Variants in SLC26A11 observed in about 807,000 individuals in gnomAD.
The protein encoded by SLC26A11 is sodium-independent sulfate anion transporter.
SLC26A11 carries 58 observed loss-of-function variants against 62.2 expected under a neutral mutation model. The ratio of observed to expected loss-of-function variants is 0.93; its 90% CI spans 0.76 to 1.16. SLC26A11 has a LOEUF of 1.16. SLC26A11 is among the 50% of genes most tolerant of loss of function. The pLI, the probability that SLC26A11 is intolerant of heterozygous loss-of-function variation, is 0.00. For synonymous variants in SLC26A11, 411 were observed against 368.9 expected, an observed-to-expected ratio of 1.11 and a Z score of -1.31; for missense variants, 790 against 794.3, an observed-to-expected ratio of 0.99 and a Z score of 0.06.
chr17:80,242,299 T>G (rs2144952749), intron 10 of SLC26A11, among the ~76,000 whole-genome samples: 1 of 152,242 alleles, frequency 6.6e-6, no homozygotes, highest in Non-Finnish European at 1.5e-5. Flanking sequence ...TAACAAGGAC[T>G]CATTCCCAGA....
intron 7 of SLC26A11, among the ~76,000 whole-genome samples, chr17:80,236,385 G>A (rs1323381835): frequency 6.6e-6 from 1 of 152,212 alleles, no homozygotes; most frequent in African/African-American, 2.4e-5. Context: ...TGAACTCAGG[G>A]AAACCCCTGG....
At chr17:80,247,790 C>T (rs2043047937) in intron 13 of SLC26A11, among the ~76,000 whole-genome samples, 1 of 152,186 alleles carries the variant, frequency 6.6e-6, no homozygotes, top group African/African-American at 2.4e-5. Flanking sequence ...GGCACCTTCT[C>T]CTTGGCCAGG....
At chr17:80,230,762 GCTGAC>G (rs1317182229) in intron 7 of SLC26A11, among the ~76,000 whole-genome samples, 1 of 152,168 alleles carries the variant, frequency 6.6e-6, no homozygotes, top group Non-Finnish European at 1.5e-5. Context: ...GTGTAGGGCT[GCTGAC>G]TCCTTTCTCC....
At chr17:80,248,993 G>A (rs552540971) in intron 15 of SLC26A11, among the ~76,000 whole-genome samples, 161 bp from the exon 16 acceptor site, 62 of 152,258 alleles carry the variant, frequency 4.1e-4, no homozygotes, top group Non-Finnish European at 7.9e-4. Context: ...ATTGTCTCTG[G>A]TCCTGCCACC....
Position 80,248,662 on chromosome 17 carries a change from C to A in SLC26A11, c.1510C>A (p.Arg504=), listed in dbSNP as rs147011619. 1 of 1,573,066 alleles carries A rather than the reference C, an allele frequency of 6.4e-7. No individual in the cohort carries two copies. The highest frequency in any genetic ancestry group is 1.2e-5 in the South Asian group (1 of 85,542). Residue 504 remains arginine, a synonymous_variant, in exon 15 of 18, where the codon CGG becomes AGG. Transcript: ENST00000361193. ...GGCTCTGCGGGAGGAGATCCTAAGC[C>A]GGGCCCTGGAAGGTGCATGGGCGGG... ...MEALREEILS[R]ALEVSPPRCL...
intron 5 of SLC26A11, among the ~76,000 whole-genome samples, chr17:80,224,888 A>G (rs1460151462): frequency 1.3e-5 from 2 of 151,998 alleles, no homozygotes; most frequent in East Asian, 3.9e-4. Flanking sequence ...CCCAGGACAG[A>G]AGACCCTACC....
At chr17:80,245,338 G>C in intron 11 of SLC26A11, 82 bp downstream of exon 11, 1 of 1,445,214 alleles carries the variant, frequency 6.9e-7, no homozygotes, top group Non-Finnish European at 9.7e-7. Context: ...TGCCTGCCCT[G>C]ACCCCGGCGC....
intron 10 of SLC26A11, among the ~76,000 whole-genome samples, chr17:80,243,150 A>G (rs1598831955): frequency 1.3e-5 from 2 of 152,106 alleles, no homozygotes; most frequent in African/African-American, 2.4e-5. Context: ...CACCCTGACA[A>G]TTTCACGAGA....
At chr17:80,226,983 A>G (rs79030322) in intron 6 of SLC26A11, among the ~76,000 whole-genome samples, 229 of 152,274 alleles carry the variant, frequency 1.5e-3, no homozygotes, top group East Asian at 5.4e-3. Context: ...CAGAGGCACC[A>G]GTGGGCAGGG....
chr17:80,244,245 C>T (rs1161738982), intron 10 of SLC26A11, among the ~76,000 whole-genome samples: 2 of 152,302 alleles, frequency 1.3e-5, no homozygotes, highest in Middle Eastern at 6.8e-3. Context: ...GCAGTGATCC[C>T]CGTTCTTGGG....
At chr17:80,247,251 C>T (rs1050904831) in intron 13 of SLC26A11, among the ~76,000 whole-genome samples, 2 of 152,058 alleles carry the variant, frequency 1.3e-5, no homozygotes, top group African/African-American at 2.4e-5. Context: ...TCTTTCTACA[C>T]AGACACGGCA....
At chr17:80,225,198 GA>G (rs1005044812) in intron 5 of SLC26A11, among the ~76,000 whole-genome samples, 3 of 149,876 alleles carry the variant, frequency 2.0e-5, no homozygotes, top group Non-Finnish European at 4.5e-5. Flanking sequence ...GCTCTCTAAA[GA>G]AAAAAAAACT....
chr17:80,220,577 C>T (rs2042122668), intron 1 of SLC26A11, 81 bp downstream of exon 1: 1 of 387,744 alleles, frequency 2.6e-6, no homozygotes. Context: ...CCGGGGGCAG[C>T]CGACGCGGGG....
chr17:80,239,923 G>A (rs1404823682), intron 9 of SLC26A11, among the ~76,000 whole-genome samples: 1 of 152,284 alleles, frequency 6.6e-6, no homozygotes, highest in Non-Finnish European at 1.5e-5. Context: ...CAGTTGGAGC[G>A]TGGCTGTGCC....
Position 80,252,843 on chromosome 17 carries a change from A to G in SLC26A11, c.*127A>G, listed in dbSNP as rs60962417. On this transcript the variant is annotated 3_prime_UTR_variant, in exon 18 of 18. Transcript: ENST00000361193. This position sits in a 1 kb window ranked among gnomAD's most constrained non-coding sequence, Gnocchi z 5.2. ...TGAGAAACCCCTGAGCAGGTAACCC[A>G]GGGAAGAGAAGGAAGCCAGGCCTGG... The G allele has an allele frequency of 0.03, 23,645 of 783,402 alleles. 1,365 individuals are homozygous for G. Among genetic ancestry groups the G allele is most frequent in the African/African-American group, 0.2 (11,503 of 57,230 alleles). 48.5% of individuals were successfully genotyped at this position (783,402 alleles called of 1,614,324 possible).
chr17:80,222,012 G>C lies in SLC26A11; in HGVS notation c.234+218G>C, dbSNP rs769303879. On this transcript the variant is annotated intron_variant, in intron 3 of 17. Transcript: ENST00000361193. This position sits in a 1 kb window ranked among gnomAD's most constrained non-coding sequence, Gnocchi z 4.7. ...GAGCTGGTTATGGAGGGGCCAGCGAGATGACTCATGGAGGCCTCAGGAGTT... is the reference window on the plus strand; with the variant it reads ...GAGCTGGTTATGGAGGGGCCAGCGACATGACTCATGGAGGCCTCAGGAGTT... 3.2e-5 allele frequency: 18 copies of C among 559,016 alleles called. No homozygotes were observed. The highest frequency in any genetic ancestry group is 5.6e-5 in the Non-Finnish European group (18 of 323,222). 34.6% of individuals were successfully genotyped at this position (559,016 alleles called of 1,614,324 possible). A position where few individuals can be genotyped will look rare whatever the true frequency, so the allele number is the denominator to read the frequency against.
In SLC26A11 at chr17:80,222,156, C is replaced by T. The variant is rs548881846; in HGVS notation, c.234+362C>T. 16 of 223,524 alleles carry T rather than the reference C, an allele frequency of 7.2e-5. No individual in the cohort carries two copies. Among genetic ancestry groups the T allele is most frequent in the African/African-American group, 3.2e-4 (14 of 43,600 alleles). The allele number at this position is 223,524 out of a possible 1,614,324, so 13.8% of individuals were successfully genotyped here. A position where few individuals can be genotyped will look rare whatever the true frequency, so the allele number is the denominator to read the frequency against. Reference sequence around the variant, plus strand: ...CTTTGGGAGGCCGAGGCAGGCGGATCGCAAGGTCAGGAGATGGAGACCATC... The same window carrying T: ...CTTTGGGAGGCCGAGGCAGGCGGATTGCAAGGTCAGGAGATGGAGACCATC... On this transcript the variant is annotated intron_variant, in intron 3 of 17. Coordinates refer to ENST00000361193, the MANE Select transcript of SLC26A11 (RefSeq NM_001166347.2). This position sits in a 1 kb window ranked among gnomAD's most constrained non-coding sequence, Gnocchi z 4.7.
intron 5 of SLC26A11, chr17:80,225,545 G>T: frequency 3.0e-6 from 1 of 330,396 alleles, no homozygotes; most frequent in East Asian, 6.9e-5. Context: ...TGCCTGCTGT[G>T]GGGTCACCTA....
At chr17:80,231,020 C>T (rs570053850) in intron 7 of SLC26A11, among the ~76,000 whole-genome samples, 2 of 128,618 alleles carry the variant, frequency 1.6e-5, no homozygotes, top group Admixed American at 1.6e-4. Context: ...ATGTTATGAT[C>T]CTCTCAAAGA....
Sources: gnomAD v4.1 joint callset for allele counts (sites outside exome capture counted in the v4.1 genomes callset) on GRCh38, gnomAD v4.1.1 for gene constraint, Gnocchi (gnomAD v3.1) non-coding constraint, MANE v1.5 for transcripts, NCBI Gene and HGNC (gene_info 2026-07-23, HGNC 2026-07-21) for gene names.